The following TPO variants were observed in gnomAD, a reference collection of about 807,000 sequenced individuals.
TPO encodes the protein thyroid microsomal antigen.
TPO carries 78 observed loss-of-function variants against 96.9 expected under a neutral mutation model. The observed-to-expected ratio is 0.81, with a 90% CI of 0.67 to 0.97. The LOEUF (loss-of-function observed/expected upper bound fraction) is 0.97. Among genes scored for constraint, TPO ranks in the 50% least tolerant of loss-of-function variants. The probability of loss-of-function intolerance (pLI) is 0.00; values close to 1 mark genes in which losing one functional copy is unlikely to be tolerated. For synonymous variants in TPO, 547 were observed against 538.0 expected (o/e 1.02, Z -0.23); for missense variants, 1,252 against 1,274.8 (o/e 0.98, Z 0.27).
At position 1,437,414 on chromosome 2, in the gene TPO, C is replaced by T. The variant is rs1350542060; in HGVS notation, c.482+1030C>T. Among the ~76,000 whole-genome samples the T allele has an allele frequency of 5.9e-5, 9 of 151,778 alleles. 1 individual carries two copies. Among genetic ancestry groups the T allele is most frequent in the African/African-American group, 2.2e-4 (9 of 41,470 alleles). ...ACTCCTCAAAGGGACTCGAGCTCCT[C>T]ACTGCTGGGTGTGCTGAGGTCAGAA... is the stretch of plus-strand genomic sequence containing the variant. On this transcript the variant is annotated intron_variant, in intron 5 of 16. Coordinates refer to ENST00000329066, the MANE Select transcript of TPO (RefSeq NM_001206744.2).
chr2:1,405,918 G>C (rs1308918436), intron 1 of TPO, among the ~76,000 whole-genome samples: 1 of 152,206 alleles, frequency 6.6e-6, no homozygotes, highest in Non-Finnish European at 1.5e-5. Context: ...TTAGACCTTT[G>C]TGGTTTTTTC....
At chr2:1,385,809 G>A (rs1395325115) in intron 1 of TPO, among the ~76,000 whole-genome samples, 3 of 152,008 alleles carry the variant, frequency 2.0e-5, no homozygotes, top group South Asian at 2.1e-4. Context: ...TGATGTTAGG[G>A]TGTCAATTTT....
intron 5 of TPO, among the ~76,000 whole-genome samples, chr2:1,438,142 G>T (rs1443478122): frequency 6.6e-6 from 1 of 151,922 alleles, no homozygotes; most frequent in Non-Finnish European, 1.5e-5. Context: ...CAGAAGGACA[G>T]GGTGGGGTCT....
intron 15 of TPO, among the ~76,000 whole-genome samples, chr2:1,537,960 T>C (rs1448098796): frequency 1.2e-5 from 1 of 81,776 alleles, no homozygotes; most frequent in Non-Finnish European, 2.2e-5. Context: ...CCCCGTAGTG[T>C]GTGCAACCTT....
At position 1,456,110 on chromosome 2, in the gene TPO, C is replaced by CAA. The variant is rs1667758884; in HGVS notation, c.649_650dup (p.Asn217LysfsTer15). Reference sequence around the variant, plus strand: ...GTGACAAGACATGTCATTCAAGTTTCAAATGAGGTTGTCACAGATGATGAC... The same window carrying CAA: ...GTGACAAGACATGTCATTCAAGTTTCAAAAATGAGGTTGTCACAGATGATGAC... On this transcript the variant is annotated frameshift_variant, in exon 7 of 17. Transcript: ENST00000329066. LOFTEE classifies it high-confidence loss of function. 6.2e-7 allele frequency: 1 copy of CAA among 1,614,052 alleles called. No homozygotes were observed. Among genetic ancestry groups the CAA allele is most frequent in the Non-Finnish European group, 8.5e-7 (1 of 1,180,032 alleles).
At chr2:1,538,788 C>G (rs947213889) in intron 15 of TPO, among the ~76,000 whole-genome samples, 2 of 152,158 alleles carry the variant, frequency 1.3e-5, no homozygotes, top group African/African-American at 4.8e-5. Context: ...CGTTGATGTT[C>G]TCACAGTTCT....
intron 13 of TPO, among the ~76,000 whole-genome samples, chr2:1,497,350 G>A (rs778088892): frequency 3.3e-5 from 5 of 152,342 alleles, no homozygotes; most frequent in South Asian, 2.1e-4. Context: ...TGGCTTGAGC[G>A]GGTGTCAGCC....
chr2:1,453,173 C>T (rs1667465099), intron 5 of TPO, among the ~76,000 whole-genome samples: 1 of 152,122 alleles, frequency 6.6e-6, no homozygotes, highest in African/African-American at 2.4e-5. Context: ...CTTTGACAAC[C>T]CGCTCACTTC....
intron 10 of TPO, among the ~76,000 whole-genome samples, chr2:1,489,544 C>A (rs13422969): frequency 0.041 from 6,201 of 152,248 alleles, 435 homozygotes; most frequent in African/African-American, 0.14. Flanking sequence ...GCCTGTGGGT[C>A]CCCCCATAGA....
intron 15 of TPO, among the ~76,000 whole-genome samples, chr2:1,520,620 G>A (rs1047801351): frequency 5.9e-5 from 9 of 152,196 alleles, no homozygotes; most frequent in African/African-American, 1.4e-4. Context: ...TCTACGATTC[G>A]GAGTTAACTC....
intron 10 of TPO, among the ~76,000 whole-genome samples, chr2:1,492,828 T>C (rs1476280495): frequency 6.6e-6 from 1 of 151,952 alleles, no homozygotes; most frequent in Non-Finnish European, 1.5e-5. Context: ...GGCGGGTGGA[T>C]GAGTAGAGAC....
At chr2:1,422,394 G>GGACCGACCTCGT (rs1458516520) in intron 2 of TPO, among the ~76,000 whole-genome samples, 1 of 50,506 alleles carries the variant, frequency 2.0e-5, no homozygotes, top group African/African-American at 1.2e-4. Flanking sequence ...GCGCCGCGCT[G>GGACCGACCTCGT]GGCCATGGGG....
intron 1 of TPO, among the ~76,000 whole-genome samples, chr2:1,407,532 A>T (rs1662265237): frequency 6.6e-6 from 1 of 152,218 alleles, no homozygotes; most frequent in African/African-American, 2.4e-5. Context: ...ATTTATTTCT[A>T]AGAAGTCTTC....
At chr2:1,415,931 A>G (rs940441805) in intron 2 of TPO, among the ~76,000 whole-genome samples, 3 of 152,078 alleles carry the variant, frequency 2.0e-5, no homozygotes, top group Non-Finnish European at 4.4e-5. Flanking sequence ...CTCCTTAAAA[A>G]AACTCTCCCT....
intron 5 of TPO, among the ~76,000 whole-genome samples, chr2:1,450,177 A>C (rs959298565): frequency 6.6e-6 from 1 of 152,126 alleles, no homozygotes; most frequent in Non-Finnish European, 1.5e-5. Flanking sequence ...GCTTCTTTTC[A>C]TGGGCGGCAC....
At chr2:1,413,207 G>A (rs1158264975), upstream of TPO, among the ~76,000 whole-genome samples, 1 of 152,128 alleles carries the variant, frequency 6.6e-6, no homozygotes, top group Non-Finnish European at 1.5e-5. Flanking sequence ...GATTTAGTTG[G>A]TTTATTCTTT....
At chr2:1,419,353 G>T (rs1663270016) in intron 2 of TPO, among the ~76,000 whole-genome samples, 1 of 152,174 alleles carries the variant, frequency 6.6e-6, no homozygotes. Flanking sequence ...GAGGAAGGAA[G>T]GGCGCTGCAG....
In TPO at chr2:1,495,657, C is replaced by T. The variant is rs541533217; in HGVS notation, c.2007-332C>T. ...CCGCTCGTTCAGACAGCCAGGTGCACGCTGTGCTGCCCCTCCACATCTCCT... is the reference window on the plus strand; with the variant it reads ...CCGCTCGTTCAGACAGCCAGGTGCATGCTGTGCTGCCCCTCCACATCTCCT... On this transcript the variant is annotated intron_variant, in intron 11 of 16. Coordinates refer to ENST00000329066, the MANE Select transcript of TPO (RefSeq NM_001206744.2). 1.5e-4 allele frequency among the ~76,000 whole-genome samples: 23 copies of T among 152,362 alleles called. No individual in the cohort carries two copies. The East Asian group carries it at 3.1e-3, about 20-fold the overall frequency.
intron 15 of TPO, among the ~76,000 whole-genome samples, chr2:1,539,101 C>T (rs1292684703): frequency 4.6e-5 from 7 of 152,164 alleles, no homozygotes; most frequent in Admixed American, 2.0e-4. Flanking sequence ...TACTTCCAGG[C>T]AAGGTAACAT....
Sources: gnomAD v4.1 joint callset for allele counts (sites outside exome capture counted in the v4.1 genomes callset) on GRCh38, gnomAD v4.1.1 for gene constraint, MANE v1.5 for transcripts, NCBI Gene and HGNC (gene_info 2026-07-23, HGNC 2026-07-21) for gene names.